SLIT3: variants seen among roughly 807,000 people sequenced by gnomAD.
The protein encoded by SLIT3 is slit guidance ligand 3.
In SLIT3, 68 loss-of-function variants were observed where a neutral mutation model predicts 184.0. The ratio of observed to expected loss-of-function variants is 0.37; its 90% CI spans 0.30 to 0.45. The LOEUF (loss-of-function observed/expected upper bound fraction) is 0.45, where lower values mean the gene tolerates loss of function less well. Ranked by LOEUF, SLIT3 falls within the 20% of genes least tolerant of loss-of-function variation. SLIT3 has a pLI of 1.00. For synonymous variants in SLIT3, 831 were observed against 828.6 expected (o/e 1.00, Z -0.05); for missense variants, 1,707 against 2,026.0 (o/e 0.84, Z 3.02).
At chr5:168,761,029 A>G in intron 15 of SLIT3, 93 bp from the exon 16 acceptor site, 1 of 933,242 alleles carries the variant, frequency 1.1e-6, no homozygotes, top group South Asian at 1.4e-5. Context: ...CCTGAACCTC[A>G]CACTCGGTGA....
intron 4 of SLIT3, among the ~76,000 whole-genome samples, chr5:169,147,989 T>G (rs550638614): frequency 2.6e-5 from 4 of 152,266 alleles, no homozygotes; most frequent in African/African-American, 9.6e-5. Flanking sequence ...TAGAGAAAGA[T>G]TCCAAGAAGA....
chr5:169,229,987 C>A (rs1232899203), intron 3 of SLIT3, among the ~76,000 whole-genome samples: 7 of 152,176 alleles, frequency 4.6e-5, no homozygotes, highest in African/African-American at 1.7e-4. Context: ...TGAATCTGCT[C>A]TTCCTTCGGT....
At chr5:169,247,646 T>TA (rs1316330908) in intron 2 of SLIT3, among the ~76,000 whole-genome samples, 1 of 152,186 alleles carries the variant, frequency 6.6e-6, no homozygotes, top group Non-Finnish European at 1.5e-5. Flanking sequence ...AGCTGACTTT[T>TA]ATTGGCTTCA....
chr5:168,682,755 A>G (rs560796615), intron 32 of SLIT3, among the ~76,000 whole-genome samples: 45 of 152,226 alleles, frequency 3.0e-4, no homozygotes, highest in African/African-American at 1.1e-3. Flanking sequence ...GAAAGTCTGA[A>G]AGTTGCAGCT....
chr5:169,155,862 T>C (rs1381644288), intron 4 of SLIT3, among the ~76,000 whole-genome samples: 1 of 152,208 alleles, frequency 6.6e-6, no homozygotes, highest in African/African-American at 2.4e-5. Context: ...GTTCAACGTA[T>C]GAACTGCTCC....
chr5:168,946,998 GTTA>G (rs1762502030), intron 4 of SLIT3, among the ~76,000 whole-genome samples: 1 of 152,078 alleles, frequency 6.6e-6, no homozygotes, highest in South Asian at 2.1e-4. Context: ...GGGGTGTATT[GTTA>G]TTATTACTAT....
chr5:168,746,460 T>TGTG (rs1561907179), intron 20 of SLIT3, among the ~76,000 whole-genome samples: 2 of 66,200 alleles, frequency 3.0e-5, no homozygotes, highest in Admixed American at 1.9e-4. Context: ...CAGTGTGTGG[T>TGTG]GGTGTGCGGT....
rs775019761 is a variant in SLIT3, at chr5:168,666,425, C to T, written c.*29G>A. The T allele has an allele frequency of 9.9e-6, 15 of 1,522,046 alleles. No individual in the cohort carries two copies. Among genetic ancestry groups the T allele is most frequent in the East Asian group, 6.9e-5 (3 of 43,688 alleles). The allele number at this position is 1,522,046 out of a possible 1,614,324, so 94.3% of individuals were successfully genotyped here. ...GTCCCAACTCCATCAAGCTGGAGTC[C>T]GAGAGGTGGCAGGCAGGCGGGCAGG... On this transcript the variant is annotated 3_prime_UTR_variant, in exon 36 of 36. Transcript: ENST00000519560.
At chr5:168,697,346 T>A (rs1430948101) in intron 27 of SLIT3, among the ~76,000 whole-genome samples, 1 of 152,142 alleles carries the variant, frequency 6.6e-6, no homozygotes, top group East Asian at 1.9e-4. Context: ...ACTGCCTGCA[T>A]CTCTGCCTGA....
chr5:169,191,421 C>A (rs998783387), intron 4 of SLIT3, among the ~76,000 whole-genome samples: 1 of 152,180 alleles, frequency 6.6e-6, no homozygotes, highest in African/African-American at 2.4e-5. Context: ...GTTGCAACTC[C>A]TAGTCTCTTC....
intron 3 of SLIT3, among the ~76,000 whole-genome samples, chr5:169,228,577 C>T (rs1764888005): frequency 6.6e-6 from 1 of 152,154 alleles, no homozygotes; most frequent in Admixed American, 6.5e-5. Flanking sequence ...ATCTTGGAGA[C>T]AAAGTGTTTA....
rs370341000 is a variant in SLIT3 at position 169,256,068 on chromosome 5, C to T, written c.198-4609G>A. Reference sequence around the variant, plus strand: ...GGAGCAACTTCCAGTCCTGCAAGCTCCATTCATGGTAAGTACCTATTTAGG... The same window carrying T: ...GGAGCAACTTCCAGTCCTGCAAGCTTCATTCATGGTAAGTACCTATTTAGG... On this transcript the variant is annotated intron_variant, in intron 1 of 35. Transcript: ENST00000519560. 2.8e-4 allele frequency among the ~76,000 whole-genome samples: 43 copies of T among 152,256 alleles called. 1 individual carries two copies. The South Asian group carries it at 6.2e-3, about 22-fold the overall frequency.
At position 168,712,749 on chromosome 5, in the gene SLIT3, C is replaced by T. The variant is rs115687268; in HGVS notation, c.2484-395G>A. 1,523 of 171,414 alleles carry T rather than the reference C, an allele frequency of 8.9e-3. 33 individuals carry two copies. The highest frequency in any genetic ancestry group is 0.034 in the African/African-American group (1,437 of 42,150). 10.6% of individuals were successfully genotyped at this position (171,414 alleles called of 1,614,324 possible). On this transcript the variant is annotated intron_variant, in intron 23 of 35. Coordinates refer to ENST00000519560, the MANE Select transcript of SLIT3 (RefSeq NM_003062.4). ...TCATATGAAGAGCTGTGCTTAAGAC[C>T]GGAAGTTCTGGAGCCAGGCTGTGTG...
intron 3 of SLIT3, among the ~76,000 whole-genome samples, chr5:169,202,341 G>A (rs1018915125): frequency 6.6e-6 from 1 of 152,174 alleles, no homozygotes; most frequent in African/African-American, 2.4e-5. Flanking sequence ...TATGAGCTAA[G>A]TGTTGTGTTA....
chr5:168,878,273 C>A (rs371012212), intron 5 of SLIT3, among the ~76,000 whole-genome samples: 1 of 152,198 alleles, frequency 6.6e-6, no homozygotes, highest in South Asian at 2.1e-4. Flanking sequence ...CAGATAATTA[C>A]GTTCTCTCTC....
In SLIT3 at chr5:168,936,585, C is replaced by A. The variant is rs554255187; in HGVS notation, c.414-53249G>T. 4.3e-4 allele frequency among the ~76,000 whole-genome samples: 66 copies of A among 152,206 alleles called. 1 individual carries two copies. The South Asian group carries it at 0.014, about 31-fold the overall frequency. ...TGAGAGACCTCCCAAGCAACAGTCA[C>A]CACTGAGAAAGAACGAATCTCCCCA... On this transcript the variant is annotated intron_variant, in intron 4 of 35. Coordinates refer to ENST00000519560, the MANE Select transcript of SLIT3 (RefSeq NM_003062.4).
At chr5:168,986,929 T>C (rs1392109560) in intron 4 of SLIT3, among the ~76,000 whole-genome samples, 1 of 152,212 alleles carries the variant, frequency 6.6e-6, no homozygotes, top group African/African-American at 2.4e-5. Context: ...GCACCTTTAA[T>C]CCCAGGTACT....
rs546524681 is a variant in SLIT3 at position 168,757,582 on chromosome 5, T to C, written c.1685+3280A>G. 3.0e-3 allele frequency among the ~76,000 whole-genome samples: 464 copies of C among 152,274 alleles called. 3 individuals are homozygous for C. The highest frequency in any genetic ancestry group is 6.7e-3 in the African/African-American group (278 of 41,566). ...CCGAGTAGCTGGCACTACAGGCGCCTGCCATTGCGCCCGGCTAATTTTTTT... is the reference window on the plus strand; with the variant it reads ...CCGAGTAGCTGGCACTACAGGCGCCCGCCATTGCGCCCGGCTAATTTTTTT... On this transcript the variant is annotated intron_variant, in intron 16 of 35. Coordinates refer to ENST00000519560, the MANE Select transcript of SLIT3 (RefSeq NM_003062.4).
chr5:168,749,559 C>T lies in SLIT3; in HGVS notation c.2050G>A (p.Val684Ile), dbSNP rs752519406. The T allele has an allele frequency of 3.5e-5, 57 of 1,614,098 alleles. No homozygotes were observed. The highest frequency in any genetic ancestry group is 1.6e-4 in the Middle Eastern group (1 of 6,084). Residue 684 changes from valine to isoleucine, a missense_variant, in exon 19 of 36, where the codon GTC becomes ATC. By Grantham distance (29) the Val-to-Ile change is conservative. This residue lies in a region of SLIT3 where 1,307 missense variants were observed against 1,511.6 expected (regional missense o/e 0.86). Coordinates refer to ENST00000519560, the MANE Select transcript of SLIT3 (RefSeq NM_003062.4). ...TTCTGGCACCTAGGGTTCCCACTGA[C>T]GATCCGCCTCTTCCTCAACCACTTG... ...LGKWLRKRRI[V>I]SGNPRCQKPF...
Sources: allele counts gnomAD v4.1 joint callset (sites outside exome capture counted in the v4.1 genomes callset), GRCh38; gene constraint gnomAD v4.1.1; regional missense constraint gnomAD v4.1.1; transcripts MANE v1.5; gene names NCBI Gene and HGNC (gene_info 2026-07-23, HGNC 2026-07-21).